The following SEMA4B variants were observed in gnomAD, a reference collection of about 807,000 sequenced individuals.
SEMA4B encodes semaphorin-4B.
Under a neutral mutation model 88.1 loss-of-function variants are expected in SEMA4B, and 55 were observed. That is an observed-to-expected ratio of 0.62 (90% CI 0.50 to 0.78). SEMA4B has a LOEUF of 0.78. SEMA4B is among the 30% of genes least tolerant of loss of function. SEMA4B has a pLI of 0.00. For missense variants in SEMA4B, 1,062 were observed against 1,111.9 expected (o/e 0.96, Z 0.64); for synonymous variants, 525 against 473.6 (o/e 1.11, Z -1.41).
intron 1 of SEMA4B, among the ~76,000 whole-genome samples, chr15:90,185,402 G>T (rs535991561): frequency 1.3e-5 from 2 of 152,374 alleles, no homozygotes; most frequent in Admixed American, 6.5e-5. Context: ...TTTGGAATTC[G>T]GAAAAGGCCT....
upstream of SEMA4B, chr15:90,201,278 G>A: frequency 9.1e-7 from 1 of 1,096,102 alleles, no homozygotes; most frequent in East Asian, 5.3e-5. Context: ...GGGGAAGGGG[G>A]CGGGCCGGCC....
rs1175103856 is a variant in SEMA4B, at chr15:90,225,019, C to G, written c.1246C>G (p.Pro416Ala). The G allele has an allele frequency of 1.2e-5, 20 of 1,613,830 alleles. No individual in the cohort carries two copies. The highest frequency in any genetic ancestry group is 1.4e-5 in the Non-Finnish European group (16 of 1,179,864). Reference sequence around the variant, plus strand: ...GAAGATCAACTCATCCCTGCAGCTCCCAGACCGCGTGCTGAACTTCCTCAA... The same window carrying G: ...GAAGATCAACTCATCCCTGCAGCTCGCAGACCGCGTGCTGAACTTCCTCAA... ...ERKINSSLQLPDRVLNFLKDH... is the reference protein window; with the variant it reads ...ERKINSSLQLADRVLNFLKDH... The change falls in exon 10 of 14, where the codon CCA (proline) becomes GCA (alanine). Residue 416 changes from proline to alanine, a missense_variant. Physicochemically the swap from Pro to Ala is conservative, Grantham distance 27 (BLOSUM62 -1). Coordinates refer to ENST00000411539, the MANE Select transcript of SEMA4B (RefSeq NM_198925.4).
chr15:90,189,538 CAATA>C (rs1242308316), intron 1 of SEMA4B, among the ~76,000 whole-genome samples: 1 of 152,108 alleles, frequency 6.6e-6, no homozygotes, highest in Admixed American at 6.6e-5. Context: ...AGTAGGTGCT[CAATA>C]AATATTAATT....
intron 1 of SEMA4B, among the ~76,000 whole-genome samples, chr15:90,216,371 A>G (rs1961534520): frequency 6.6e-6 from 1 of 152,068 alleles, no homozygotes; most frequent in South Asian, 2.1e-4. Flanking sequence ...TCCTCCCCCC[A>G]ACATATTCTG....
intron 9 of SEMA4B, 58 bp from the exon 10 acceptor site, chr15:90,224,910 G>C: frequency 2.1e-6 from 3 of 1,453,796 alleles, no homozygotes; most frequent in Non-Finnish European, 2.9e-6. Flanking sequence ...AGCAGGGCCC[G>C]CATCCTGCCT....
rs757299872 is a variant in SEMA4B, at chr15:90,225,770, C to T, written c.1631C>T (p.Ala544Val). 1.1e-5 allele frequency: 17 copies of T among 1,571,880 alleles called. No individual in the cohort carries two copies. Among genetic ancestry groups the T allele is most frequent in the Non-Finnish European group, 1.5e-5 (17 of 1,160,222 alleles). Reference protein sequence around the residue: ...DCLLARDPYCAWSGSSCKHVS... With the variant: ...DCLLARDPYCVWSGSSCKHVS... ...CTCCTCGCCCGGGACCCCTACTGTG[C>T]TTGGAGCGGCTCCAGCTGCAAGCAC... Residue 544 changes from alanine (A) to valine (V), a missense_variant, in exon 12 of 14, where the codon GCT becomes GTT. Physicochemically the swap from Ala to Val is moderately conservative, Grantham distance 64. Transcript: ENST00000411539.
intron 12 of SEMA4B, 108 bp downstream of exon 12, chr15:90,225,935 A>C: frequency 1.2e-6 from 1 of 829,502 alleles, no homozygotes; most frequent in Non-Finnish European, 1.7e-6. Flanking sequence ...GTTTATGTCC[A>C]CTGTCTCAGC....
At position 90,228,729 on chromosome 15, in the gene SEMA4B, C is replaced by G; in HGVS notation, c.*86C>G. 1 of 1,547,716 alleles carries G rather than the reference C, an allele frequency of 6.5e-7. No homozygotes were observed. Among genetic ancestry groups the G allele is most frequent in the South Asian group, 1.2e-5 (1 of 86,446 alleles). On this transcript the variant is annotated 3_prime_UTR_variant, in exon 14 of 14. Transcript: ENST00000411539. ...AACTGGACCTCCCCTCCGCTCTGCTCTTCGTGGAACACGACCGTGGTGCCC... is the reference window on the plus strand; with the variant it reads ...AACTGGACCTCCCCTCCGCTCTGCTGTTCGTGGAACACGACCGTGGTGCCC...
rs1393826755 is a variant in SEMA4B at position 90,223,723 on chromosome 15, G to T, written c.1026G>T (p.Gly342=). The T allele has an allele frequency of 2.5e-6, 4 of 1,607,678 alleles. No individual in the cohort carries two copies. Among genetic ancestry groups the T allele is most frequent in the Non-Finnish European group, 3.4e-6 (4 of 1,175,352 alleles). Residue 342 remains glycine (G), a synonymous_variant, in exon 8 of 14, where the codon GGG becomes GGT. Transcript: ENST00000411539. ...ACTGGCGTGACACCCTTTTCTATGG[G>T]GTCTTCACTTCCCAGTGGTAGGGCC... is the stretch of plus-strand genomic sequence containing the variant. ...PQDWRDTLFY[G]VFTSQWHRGT...
At position 90,223,541 on chromosome 15, in the gene SEMA4B, A is replaced by C; in HGVS notation, c.862-18A>C. The C allele has an allele frequency of 6.4e-7, 1 of 1,558,506 alleles. No homozygotes were observed. Among genetic ancestry groups the C allele is most frequent in the African/African-American group, 1.4e-5 (1 of 73,688 alleles). On this transcript the variant is annotated intron_variant, in intron 7 of 13. Transcript: ENST00000411539. The stretch of plus-strand genomic sequence containing the variant: ...CTCAGCATGTGCCTAAGCCCAGCCC[A>C]TCCGACTCTCCCTCCAGGGCGATGA...
intron 4 of SEMA4B, among the ~76,000 whole-genome samples, chr15:90,220,439 C>T (rs28710842): frequency 0.35 from 50,668 of 145,070 alleles, 8,954 homozygotes; most frequent in African/African-American, 0.4. Flanking sequence ...ACGATCTCGG[C>T]TCACTGCAAG....
In SEMA4B at chr15:90,219,808, T is replaced by C; in HGVS notation, c.400T>C (p.Tyr134His). 1 of 1,613,472 alleles carries C rather than the reference T, an allele frequency of 6.2e-7. No individual in the cohort carries two copies. The highest frequency in any genetic ancestry group is 8.5e-7 in the Non-Finnish European group (1 of 1,179,742). The change falls in exon 4 of 14, where the codon TAC (tyrosine) becomes CAC (histidine). Residue 134 changes from tyrosine to histidine, a missense_variant. Transcript: ENST00000411539. ...TTCCCCCCAGCGCGACTGTCAAAAC[T>C]ACATCAAGATCCTCCTGCCGCTCAG... The part of the protein sequence containing the change: ...GKDPQRDCQN[Y>H]IKILLPLSGS...
intron 1 of SEMA4B, among the ~76,000 whole-genome samples, chr15:90,214,047 A>G (rs1164426272): frequency 6.6e-6 from 1 of 152,162 alleles, no homozygotes; most frequent in East Asian, 1.9e-4. Flanking sequence ...TGCCAGGTGT[A>G]AAGCTGAGCT....
At position 90,227,637 on chromosome 15, in the gene SEMA4B, C is replaced by T; in HGVS notation, c.1769C>T (p.Pro590Leu). 6.2e-7 allele frequency: 1 copy of T among 1,613,936 alleles called. No individual in the cohort carries two copies. The highest frequency in any genetic ancestry group is 8.5e-7 in the Non-Finnish European group (1 of 1,179,834). The change falls in exon 13 of 14, where the codon CCA (proline) becomes CTA (leucine). Residue 590 changes from proline to leucine, a missense_variant. Pro to Leu is a moderately conservative substitution (Grantham distance 98). Coordinates refer to ENST00000411539, the MANE Select transcript of SEMA4B (RefSeq NM_198925.4). ...ASSVVSPSFVPTGEKPCEQVQ... is the reference protein window; with the variant it reads ...ASSVVSPSFVLTGEKPCEQVQ... ...TCGGTTGTGTCCCCGTCTTTTGTAC[C>T]AACAGGTGAGGTGCCCCCTCAAAAG...
intron 1 of SEMA4B, among the ~76,000 whole-genome samples, chr15:90,213,904 C>T (rs1488792203): frequency 6.6e-6 from 1 of 152,238 alleles, no homozygotes; most frequent in Non-Finnish European, 1.5e-5. Flanking sequence ...GAAACTGCAG[C>T]TCATTGAGAC....
intron 1 of SEMA4B, among the ~76,000 whole-genome samples, chr15:90,187,915 G>T (rs1158221653): frequency 6.6e-6 from 1 of 151,504 alleles, no homozygotes; most frequent in Non-Finnish European, 1.5e-5. Context: ...TGAGGCAAGA[G>T]AATCGCTTGA....
chr15:90,223,476 G>A lies in SEMA4B; in HGVS notation c.862-83G>A, dbSNP rs1016859527. On this transcript the variant is annotated intron_variant, in intron 7 of 13. Coordinates refer to ENST00000411539, the MANE Select transcript of SEMA4B (RefSeq NM_198925.4). The stretch of plus-strand genomic sequence containing the variant: ...CCTTCAGTCCTGGTGTCTGGGGTGG[G>A]TCCATTGAGGCAGTCCTGTGCCGTG... The A allele has an allele frequency of 3.9e-6, 5 of 1,291,492 alleles. No individual in the cohort carries two copies. In the South Asian group the frequency reaches 8.1e-5, roughly 21 times the overall value. 80.0% of individuals were successfully genotyped at this position (1,291,492 alleles called of 1,614,324 possible).
chr15:90,209,222 C>T (rs1469056492), intron 1 of SEMA4B, among the ~76,000 whole-genome samples: 1 of 152,118 alleles, frequency 6.6e-6, no homozygotes, highest in Non-Finnish European at 1.5e-5. Context: ...AAGACATGGT[C>T]TTGATCTTGA....
rs1962303670 is a variant in SEMA4B, at chr15:90,228,366, T to A, written c.2237T>A (p.Val746Asp). 1 of 1,600,708 alleles carries A rather than the reference T, an allele frequency of 6.2e-7. No individual in the cohort carries two copies. The highest frequency in any genetic ancestry group is 1.1e-5 in the South Asian group (1 of 89,050). ...TACCGGCACCGGAACAGCATGAAAGTCTTCCTGAAGCAGGGGGAATGTGCC... is the reference window on the plus strand; with the variant it reads ...TACCGGCACCGGAACAGCATGAAAGACTTCCTGAAGCAGGGGGAATGTGCC... ...LLYRHRNSMKVFLKQGECASV... is the reference protein window; with the variant it reads ...LLYRHRNSMKDFLKQGECASV... The change falls in exon 14 of 14, where the codon GTC becomes GAC. Residue 746 changes from valine to aspartate, a missense_variant. Coordinates refer to ENST00000411539, the MANE Select transcript of SEMA4B (RefSeq NM_198925.4).
Sources: allele counts gnomAD v4.1 joint callset (sites outside exome capture counted in the v4.1 genomes callset), GRCh38; gene constraint gnomAD v4.1.1; transcripts MANE v1.5; gene names NCBI Gene and HGNC (gene_info 2026-07-23, HGNC 2026-07-21).